PTPRM: variants seen among roughly 807,000 people sequenced by gnomAD.
The protein encoded by PTPRM is protein tyrosine phosphatase receptor type M.
Under a neutral mutation model 186.7 loss-of-function variants are expected in PTPRM, and 47 were observed. The observed-to-expected ratio is 0.25, with a 90% confidence interval of 0.20 to 0.32. The LOEUF is 0.32. Among genes scored for constraint, PTPRM ranks in the 10% least tolerant of loss-of-function variants. The probability of loss-of-function intolerance (pLI) is 1.00; values close to 1 mark genes in which losing one functional copy is unlikely to be tolerated. For synonymous variants in PTPRM, 668 were observed against 674.9 expected (o/e 0.99, Z 0.16); for missense variants, 1,494 against 1,865.0 (o/e 0.80, Z 3.66).
At chr18:8,288,243 T>C (rs111793964) in intron 19 of PTPRM, among the ~76,000 whole-genome samples, 1,856 of 152,202 alleles carry the variant, frequency 0.012, 33 homozygotes, top group African/African-American at 0.043. Flanking sequence ...GATGAGCCCT[T>C]GAGAGCCCCT....
rs2047953569 is a variant in PTPRM, at chr18:7,870,939, A to G, written c.197-17167A>G. On this transcript the variant is annotated intron_variant, in intron 2 of 32. Coordinates refer to ENST00000580170, the MANE Select transcript of PTPRM (RefSeq NM_001105244.2). The stretch of plus-strand genomic sequence containing the variant: ...CAACAATAATGGTTAGTTTTGACGT[A>G]TCTGACCTGTTTGTGTGCAAAGTGG... 2.0e-5 allele frequency among the ~76,000 whole-genome samples: 3 copies of G among 152,218 alleles called. No individual in the cohort carries two copies. The South Asian group carries it at 6.2e-4, about 32-fold the overall frequency.
intron 3 of PTPRM, among the ~76,000 whole-genome samples, chr18:7,890,598 A>T (rs185336152): frequency 6.6e-6 from 1 of 152,276 alleles, no homozygotes; most frequent in African/African-American, 2.4e-5. Context: ...TAGAGTATGT[A>T]CTTTGGCAGT....
At chr18:7,746,983 C>A (rs1468655925) in intron 1 of PTPRM, among the ~76,000 whole-genome samples, 4 of 152,126 alleles carry the variant, frequency 2.6e-5, no homozygotes, top group Non-Finnish European at 5.9e-5. Flanking sequence ...CCGGTGTGAA[C>A]TCCCAGGGCT....
rs146121553 is a variant in PTPRM, at chr18:7,610,576, A to G, written c.73+42685A>G. ...ATTGTTTTGGTCAACAGTGGACCAC[A>G]TGTATGAGGACACATATAATCCCAT... On this transcript the variant is annotated intron_variant, in intron 1 of 32. Coordinates refer to ENST00000580170, the MANE Select transcript of PTPRM (RefSeq NM_001105244.2). Among the ~76,000 whole-genome samples the G allele has an allele frequency of 3.8e-4, 58 of 152,336 alleles. 1 individual carries two copies. The highest frequency in any genetic ancestry group is 1.4e-3 in the African/African-American group (58 of 41,576).
intron 7 of PTPRM, among the ~76,000 whole-genome samples, chr18:7,993,467 T>C (rs1053765948): frequency 6.6e-6 from 1 of 151,896 alleles, no homozygotes; most frequent in Non-Finnish European, 1.5e-5. Flanking sequence ...TTCTAAACAA[T>C]AGAAAGAGAA....
chr18:8,145,767 A>G (rs1236156312), intron 14 of PTPRM, among the ~76,000 whole-genome samples: 2 of 152,152 alleles, frequency 1.3e-5, no homozygotes, highest in Non-Finnish European at 2.9e-5. Context: ...AGTCTTTGCT[A>G]TTGCGAATAG....
At chr18:7,812,343 C>T (rs2044568590) in intron 2 of PTPRM, among the ~76,000 whole-genome samples, 1 of 152,230 alleles carries the variant, frequency 6.6e-6, no homozygotes, top group Admixed American at 6.5e-5. Flanking sequence ...TTCCTTTTAT[C>T]TCTCTCCTTC....
intron 1 of PTPRM, among the ~76,000 whole-genome samples, chr18:7,652,002 T>A (rs62089827): frequency 4.6e-5 from 7 of 152,152 alleles, no homozygotes; most frequent in South Asian, 4.1e-4. Context: ...CAACCTACTC[T>A]TCTGACAAAG....
At chr18:8,034,173 A>T (rs1600178898) in intron 7 of PTPRM, among the ~76,000 whole-genome samples, 1 of 151,586 alleles carries the variant, frequency 6.6e-6, no homozygotes. Flanking sequence ...ACTAGGTCAC[A>T]TTCACAGGTT....
intron 14 of PTPRM, among the ~76,000 whole-genome samples, chr18:8,149,625 T>C (rs2092958642): frequency 6.6e-6 from 1 of 152,230 alleles, no homozygotes; most frequent in African/African-American, 2.4e-5. Flanking sequence ...TGTCTTTTAA[T>C]TGGAGCATTT....
intron 13 of PTPRM, among the ~76,000 whole-genome samples, chr18:8,129,792 A>G (rs1194329289): frequency 7.2e-5 from 11 of 152,354 alleles, no homozygotes; most frequent in African/African-American, 2.4e-4. Context: ...CAACAGATCA[A>G]GAAAATATCA....
At chr18:7,617,017 C>CA in intron 1 of PTPRM, among the ~76,000 whole-genome samples, 1 of 152,068 alleles carries the variant, frequency 6.6e-6, no homozygotes, top group Non-Finnish European at 1.5e-5. Flanking sequence ...TCTGCATTCA[C>CA]AAAAAATCAG....
At position 8,273,462 on chromosome 18, in the gene PTPRM, C is replaced by G. The variant is rs371193344; in HGVS notation, c.2754+20048C>G. The stretch of plus-strand genomic sequence containing the variant: ...TGTTCCATACCCTCTGCTCAGTTAC[C>G]TCTCCTTTGCTACTGCCCTGGGCTC... On this transcript the variant is annotated intron_variant, in intron 19 of 32. Transcript: ENST00000580170. Among the ~76,000 whole-genome samples the G allele has an allele frequency of 2.0e-5, 3 of 152,254 alleles. No individual in the cohort carries two copies. In the East Asian group the frequency reaches 5.8e-4, roughly 29 times the overall value.
chr18:7,823,218 A>G (rs1178445178), intron 2 of PTPRM, among the ~76,000 whole-genome samples: 1 of 152,180 alleles, frequency 6.6e-6, no homozygotes, highest in Non-Finnish European at 1.5e-5. Flanking sequence ...CCCTGCAGAG[A>G]CACAGAATAG....
chr18:7,978,874 C>T (rs879314669), intron 7 of PTPRM, among the ~76,000 whole-genome samples: 3 of 151,602 alleles, frequency 2.0e-5, no homozygotes, highest in Non-Finnish European at 2.9e-5. Flanking sequence ...TTTTTGAAAA[C>T]TCAGACATTT....
chr18:8,159,347 T>A (rs187339289), intron 14 of PTPRM, among the ~76,000 whole-genome samples: 1 of 152,336 alleles, frequency 6.6e-6, no homozygotes, highest in African/African-American at 2.4e-5. Context: ...GTTATATTCA[T>A]ATGTGCCGTT....
intron 10 of PTPRM, among the ~76,000 whole-genome samples, chr18:8,086,594 T>C (rs144815221): frequency 8.7e-4 from 133 of 152,238 alleles, no homozygotes; most frequent in African/African-American, 3.2e-3. Flanking sequence ...ACTATTTTGT[T>C]TGGGGTGGAG....
chr18:8,344,444 G>GTATATATA (rs749210473), intron 23 of PTPRM, among the ~76,000 whole-genome samples: 1 of 129,536 alleles, frequency 7.7e-6, no homozygotes, highest in Non-Finnish European at 1.6e-5. Flanking sequence ...GTGTGTGTGT[G>GTATATATA]TGTGTATATA....
chr18:8,273,835 C>A (rs2094801765), intron 19 of PTPRM, among the ~76,000 whole-genome samples: 1 of 152,220 alleles, frequency 6.6e-6, no homozygotes, highest in African/African-American at 2.4e-5. Flanking sequence ...CAATTCAGAA[C>A]TGATGGAAAA....
Sources: allele counts gnomAD v4.1 joint callset (sites outside exome capture counted in the v4.1 genomes callset), GRCh38; gene constraint gnomAD v4.1.1; transcripts MANE v1.5; gene names NCBI Gene and HGNC (gene_info 2026-07-23, HGNC 2026-07-21).